NRG1: variants seen among roughly 807,000 people sequenced by gnomAD.
The protein encoded by NRG1 is neuregulin 1, also known as pro-neuregulin-1, membrane-bound isoform.
In NRG1, 18 loss-of-function variants were observed where a neutral mutation model predicts 63.8. That is an observed-to-expected ratio of 0.28 (90% CI 0.19 to 0.42). NRG1 has a LOEUF of 0.42. NRG1 is among the 10% of genes least tolerant of loss of function. The probability of loss-of-function intolerance (pLI) is 1.00; values close to 1 mark genes in which losing one functional copy is unlikely to be tolerated. For missense variants in NRG1, 762 were observed against 814.7 expected (o/e 0.94, Z 0.79); for synonymous variants, 302 against 301.3 (o/e 1.00, Z -0.02).
At chr8:32,681,624 AAAC>A (rs1325707873) in intron 5 of NRG1, among the ~76,000 whole-genome samples, 1 of 152,204 alleles carries the variant, frequency 6.6e-6, no homozygotes, top group East Asian at 1.9e-4. Context: ...AAACAAAACC[AAAC>A]AACAAAACAG....
At chr8:32,247,490 C>T (rs868459854) in intron 1 of NRG1, among the ~76,000 whole-genome samples, 2 of 152,176 alleles carry the variant, frequency 1.3e-5, no homozygotes, top group Middle Eastern at 3.4e-3. Flanking sequence ...GGTGAAATAA[C>T]AAATCCTTTG....
chr8:31,720,586 A>G (rs1489925824), intron 1 of NRG1, among the ~76,000 whole-genome samples: 7 of 152,022 alleles, frequency 4.6e-5, no homozygotes, highest in African/African-American at 1.7e-4. Context: ...AGAACATGCA[A>G]TATTTGGTTT....
chr8:32,422,159 A>G (rs1816771512), intron 1 of NRG1, among the ~76,000 whole-genome samples: 1 of 152,332 alleles, frequency 6.6e-6, no homozygotes, highest in East Asian at 1.9e-4. Flanking sequence ...AATAGAAAAA[A>G]GATAATTTTT....
intron 1 of NRG1, among the ~76,000 whole-genome samples, chr8:32,582,741 C>G (rs1366138149): frequency 6.6e-6 from 1 of 152,204 alleles, no homozygotes; most frequent in Non-Finnish European, 1.5e-5. Context: ...AGTCATTTTC[C>G]TGTATAGCCC....
At chr8:31,710,310 CTCA>C (rs1472154139) in intron 1 of NRG1, among the ~76,000 whole-genome samples, 2 of 151,608 alleles carry the variant, frequency 1.3e-5, no homozygotes, top group East Asian at 3.9e-4. Flanking sequence ...TCTTTATAGC[CTCA>C]TATGTTATCA....
intron 1 of NRG1, among the ~76,000 whole-genome samples, chr8:32,119,167 A>C (rs1421677074): frequency 2.6e-5 from 4 of 152,138 alleles, no homozygotes; most frequent in Non-Finnish European, 4.4e-5. Flanking sequence ...GTAGAAGGAA[A>C]GAATGAGTAT....
chr8:32,427,143 T>C (rs1817487278), intron 1 of NRG1, among the ~76,000 whole-genome samples: 1 of 152,142 alleles, frequency 6.6e-6, no homozygotes, highest in South Asian at 2.1e-4. Context: ...CACCCATCTG[T>C]TGTCCTTCCA....
intron 1 of NRG1, among the ~76,000 whole-genome samples, chr8:32,023,394 A>G (rs1232478028): frequency 6.6e-6 from 1 of 151,828 alleles, no homozygotes; most frequent in East Asian, 2.0e-4. Context: ...AAATCCTGGA[A>G]TGTGCAGGAA....
intron 1 of NRG1, among the ~76,000 whole-genome samples, chr8:32,196,674 A>C (rs1038311567): frequency 1.3e-5 from 2 of 152,152 alleles, no homozygotes; most frequent in Non-Finnish European, 2.9e-5. Context: ...AAATTCCAAG[A>C]GAAGCCTTCA....
At chr8:31,922,620 G>T (rs1043514710) in intron 1 of NRG1, among the ~76,000 whole-genome samples, 4 of 152,130 alleles carry the variant, frequency 2.6e-5, no homozygotes, top group Admixed American at 6.5e-5. Flanking sequence ...TGGTAAGCTG[G>T]AACAACAAAG....
At chr8:32,532,840 G>A (rs1831588435) in intron 1 of NRG1, among the ~76,000 whole-genome samples, 1 of 151,848 alleles carries the variant, frequency 6.6e-6, no homozygotes, top group African/African-American at 2.4e-5. Context: ...TTTTTAAAAT[G>A]CCTTAAGAAA....
At chr8:32,541,690 G>T (rs1208743894) in intron 1 of NRG1, among the ~76,000 whole-genome samples, 2 of 152,046 alleles carry the variant, frequency 1.3e-5, no homozygotes, top group East Asian at 1.9e-4. Context: ...CGTTGAAGAG[G>T]TTCTTGTGGG....
intron 11 of NRG1, 80 bp downstream of exon 11, chr8:32,760,486 G>C: frequency 1.3e-6 from 2 of 1,591,884 alleles, no homozygotes; most frequent in Non-Finnish European, 1.7e-6. Context: ...CTCACCTCAG[G>C]AAATCTACTC....
chr8:31,711,817 C>T (rs1295375430), intron 1 of NRG1, among the ~76,000 whole-genome samples: 1 of 152,150 alleles, frequency 6.6e-6, no homozygotes, highest in Admixed American at 6.5e-5. Flanking sequence ...TTCATAGATT[C>T]TGTCTTTTCA....
intron 1 of NRG1, among the ~76,000 whole-genome samples, chr8:32,584,659 C>G (rs2129533264): frequency 6.6e-6 from 1 of 152,220 alleles, no homozygotes; most frequent in African/African-American, 2.4e-5. Flanking sequence ...GACTAAATAA[C>G]AAAGAAACAG....
Position 32,135,831 on chromosome 8 carries a change from A to G in NRG1, c.38-459997A>G, listed in dbSNP as rs536787673. Among the ~76,000 whole-genome samples the G allele has an allele frequency of 3.3e-5, 5 of 152,212 alleles. No individual in the cohort carries two copies. In the East Asian group the frequency reaches 7.7e-4, roughly 24 times the overall value. ...AATCACCTAAATAGTACTTATAGAT[A>G]TGAAAGAGAAGGACAGAGCCCAGGG... is the stretch of plus-strand genomic sequence containing the variant. On this transcript the variant is annotated intron_variant, in intron 1 of 10. Transcript: ENST00000519301.
intron 1 of NRG1, among the ~76,000 whole-genome samples, chr8:31,880,725 A>AT (rs905443097): frequency 6.6e-6 from 1 of 152,150 alleles, no homozygotes; most frequent in African/African-American, 2.4e-5. Context: ...CTCTTTAGTT[A>AT]TTTTTTAAAT....
At chr8:31,879,434 G>A (rs1830177445) in intron 1 of NRG1, among the ~76,000 whole-genome samples, 2 of 152,306 alleles carry the variant, frequency 1.3e-5, no homozygotes, top group South Asian at 2.1e-4. Context: ...GTGATGCAGG[G>A]ATGGGTTATC....
intron 1 of NRG1, 148 bp downstream of exon 1, chr8:32,548,974 G>A: frequency 1.7e-6 from 2 of 1,166,086 alleles, no homozygotes; most frequent in South Asian, 3.3e-5. Flanking sequence ...GTCGCGCGGT[G>A]CTTCCCCTCC....
Sources: allele counts gnomAD v4.1 joint callset (sites outside exome capture counted in the v4.1 genomes callset), GRCh38; gene constraint gnomAD v4.1.1; transcripts MANE v1.5; gene names NCBI Gene and HGNC (gene_info 2026-07-23, HGNC 2026-07-21).